Variants in SGSM1 observed in about 807,000 individuals in gnomAD.
The protein encoded by SGSM1 is small G protein signaling modulator 1.
Under a neutral mutation model 133.8 loss-of-function variants are expected in SGSM1, and 73 were observed. That is an observed-to-expected ratio of 0.55 (90% CI 0.45 to 0.66). The LOEUF (loss-of-function observed/expected upper bound fraction) is 0.66. Ranked by LOEUF, SGSM1 falls within the 30% of genes least tolerant of loss-of-function variation. The probability of loss-of-function intolerance (pLI) is 0.00; values close to 1 mark genes in which losing one functional copy is unlikely to be tolerated. For missense variants in SGSM1, 1,213 were observed against 1,448.1 expected (o/e 0.84, Z 2.64); for synonymous variants, 563 against 573.0 (o/e 0.98, Z 0.25).
Position 24,905,124 on chromosome 22 carries a change from G to T in SGSM1, c.2755G>T (p.Glu919Ter). The T allele has an allele frequency of 6.2e-7, 1 of 1,614,012 alleles. No homozygotes were observed. Among genetic ancestry groups the T allele is most frequent in the Non-Finnish European group, 8.5e-7 (1 of 1,179,892 alleles). Reference sequence around the variant, plus strand: ...TTCTAGCTACATCTGGCAGCACATTGAGATCGGCTATGTCCAGGGCATGTG... The same window carrying T: ...TTCTAGCTACATCTGGCAGCACATTTAGATCGGCTATGTCCAGGGCATGTG... ...IMCSYIWQHI[E>*]IGYVQGMCDL... The change falls in exon 21 of 25, where the codon GAG becomes TAG. Residue 919 changes from glutamate to a stop codon, truncating the protein, a stop_gained. Transcript: ENST00000400358. LOFTEE classifies it high-confidence loss of function.
rs999532941 is a variant in SGSM1 at position 24,889,352 on chromosome 22, C to T, written c.1770+2624C>T. The stretch of plus-strand genomic sequence containing the variant: ...AATATAAATGGTCCCCAACTTCCAA[C>T]GGTTGGTCTTACAATTTTTTGACTT... On this transcript the variant is annotated intron_variant, in intron 16 of 24. Coordinates refer to ENST00000400358, the MANE Select transcript of SGSM1 (RefSeq NM_001098497.3). Among the ~76,000 whole-genome samples, 10 of 151,792 alleles carry T rather than the reference C, an allele frequency of 6.6e-5. No individual in the cohort carries two copies. In the East Asian group the frequency reaches 1.7e-3, roughly 26 times the overall value.
intron 5 of SGSM1, among the ~76,000 whole-genome samples, chr22:24,852,068 C>CT (rs1930514478): frequency 6.6e-6 from 1 of 152,190 alleles, no homozygotes; most frequent in Non-Finnish European, 1.5e-5. Flanking sequence ...TGTCAACCTG[C>CT]TTTTTTTCCA....
intron 22 of SGSM1, among the ~76,000 whole-genome samples, chr22:24,914,989 G>A (rs1282730322): frequency 6.6e-6 from 1 of 152,178 alleles, no homozygotes; most frequent in East Asian, 1.9e-4. Flanking sequence ...AGCACTTTGG[G>A]AGGCTGAGGC....
At chr22:24,897,118 G>A (rs1431174513) in intron 18 of SGSM1, among the ~76,000 whole-genome samples, 5 of 152,028 alleles carry the variant, frequency 3.3e-5, no homozygotes, top group South Asian at 2.1e-4. Flanking sequence ...GGTGGCTCAC[G>A]CCTGTAATCA....
intron 15 of SGSM1, among the ~76,000 whole-genome samples, chr22:24,886,377 G>T (rs1326020643): frequency 7.1e-6 from 1 of 141,550 alleles, no homozygotes; most frequent in Non-Finnish European, 1.5e-5. Context: ...CTACAGCCTG[G>T]GTGACAGAGC....
chr22:24,820,249 C>T (rs1466068206), intron 2 of SGSM1, among the ~76,000 whole-genome samples: 2 of 151,998 alleles, frequency 1.3e-5, no homozygotes, highest in African/African-American at 4.8e-5. Context: ...CCCGGGGGAG[C>T]CTTCTGGTCA....
rs1932198255 is a variant in SGSM1, at chr22:24,879,397, C to A, written c.1431-65C>A. ...CCTCTAGAGATAGCACGTGGTTATC[C>A]TCTCCAGAAAATCTGGGCTGTGTTT... On this transcript the variant is annotated intron_variant, in intron 13 of 24. Coordinates refer to ENST00000400358, the MANE Select transcript of SGSM1 (RefSeq NM_001098497.3). The A allele has an allele frequency of 2.6e-6, 4 of 1,531,326 alleles. No homozygotes were observed. The Admixed American group carries it at 7.0e-5, about 27-fold the overall frequency. The allele number at this position is 1,531,326 out of a possible 1,614,324, so 94.9% of individuals were successfully genotyped here.
chr22:24,850,623 G>C (rs1461658408), intron 5 of SGSM1, among the ~76,000 whole-genome samples, 191 bp downstream of exon 5: 1 of 152,216 alleles, frequency 6.6e-6, no homozygotes, highest in African/African-American at 2.4e-5. Flanking sequence ...CGGATTTAGG[G>C]TGGAGTATAG....
At chr22:24,807,360 C>T (rs1236967138) in intron 2 of SGSM1, among the ~76,000 whole-genome samples, 1 of 152,084 alleles carries the variant, frequency 6.6e-6, no homozygotes, top group African/African-American at 2.4e-5. Flanking sequence ...TATCTCTTTG[C>T]ACTGTGTGTA....
chr22:24,849,872 G>A (rs964045218), intron 4 of SGSM1, among the ~76,000 whole-genome samples: 2 of 152,190 alleles, frequency 1.3e-5, no homozygotes, highest in East Asian at 1.9e-4. Flanking sequence ...AGTCATAAGC[G>A]TTAGTGGTAA....
At chr22:24,863,403 C>A (rs143057204) in intron 9 of SGSM1, among the ~76,000 whole-genome samples, 1 of 152,118 alleles carries the variant, frequency 6.6e-6, no homozygotes, top group African/African-American at 2.4e-5. Context: ...GTGATCCACC[C>A]GCCTCCGCCT....
chr22:24,869,225 G>A (rs941357232), intron 12 of SGSM1, among the ~76,000 whole-genome samples: 4 of 152,264 alleles, frequency 2.6e-5, no homozygotes, highest in African/African-American at 2.4e-5. Flanking sequence ...GAGGTAAGGC[G>A]GCCGGGCATG....
chr22:24,893,357 C>A, intron 16 of SGSM1, 74 bp from the exon 17 acceptor site: 1 of 1,514,110 alleles, frequency 6.6e-7, no homozygotes, highest in African/African-American at 1.4e-5. Context: ...GAGCCACTCT[C>A]TTCCACGTTG....
intron 10 of SGSM1, 150 bp from the exon 11 acceptor site, chr22:24,868,226 C>T (rs1931564455): frequency 8.4e-6 from 9 of 1,067,754 alleles, no homozygotes; most frequent in Non-Finnish European, 1.2e-5. Flanking sequence ...AAAAACTGCT[C>T]CTGACCTTTG....
chr22:24,921,606 C>G (rs180796831), intron 24 of SGSM1, among the ~76,000 whole-genome samples: 1 of 152,004 alleles, frequency 6.6e-6, no homozygotes, highest in African/African-American at 2.4e-5. Flanking sequence ...CACCCCAGGC[C>G]AAAAGTTTCA....
intron 8 of SGSM1, chr22:24,855,905 T>C (rs1569149764): frequency 1.4e-6 from 1 of 708,726 alleles, no homozygotes. Context: ...ATCCACCCAT[T>C]GTCACAACCA....
At chr22:24,908,824 AC>A (rs1365485017) in intron 21 of SGSM1, among the ~76,000 whole-genome samples, 1 of 151,830 alleles carries the variant, frequency 6.6e-6, no homozygotes, top group Non-Finnish European at 1.5e-5. Flanking sequence ...AGAAAGAAAG[AC>A]AACCTGATTA....
intron 12 of SGSM1, among the ~76,000 whole-genome samples, chr22:24,873,336 C>T (rs1040109262): frequency 2.6e-5 from 4 of 152,028 alleles, no homozygotes; most frequent in African/African-American, 9.7e-5. Context: ...ACATTTAGGG[C>T]TGAATAATTC....
Position 24,919,909 on chromosome 22 carries a change from A to G in SGSM1, c.3109A>G (p.Ile1037Val). ...CTCCTCTGCGCACTACGTCCTGTTC[A>G]TTGCGCTGGCTCTGGTGGAAGTCTA... Reference protein sequence around the residue: ...HVSSAHYVLFIALALVEVYRD... With the variant: ...HVSSAHYVLFVALALVEVYRD... The change falls in exon 24 of 25, where the codon ATT (isoleucine) becomes GTT (valine). Residue 1037 changes from isoleucine (I) to valine (V), a missense_variant. Coordinates refer to ENST00000400358, the MANE Select transcript of SGSM1 (RefSeq NM_001098497.3). The G allele has an allele frequency of 1.2e-6, 2 of 1,614,000 alleles. No homozygotes were observed. Among genetic ancestry groups the G allele is most frequent in the Non-Finnish European group, 1.7e-6 (2 of 1,179,882 alleles).
Sources: allele counts gnomAD v4.1 joint callset (sites outside exome capture counted in the v4.1 genomes callset), GRCh38; gene constraint gnomAD v4.1.1; transcripts MANE v1.5; gene names NCBI Gene and HGNC (gene_info 2026-07-23, HGNC 2026-07-21).